Variants in SOS1 observed in about 807,000 individuals in gnomAD.
SOS1 encodes the protein SOS Ras/Rac guanine nucleotide exchange factor 1, also known as son of sevenless homolog 1.
In SOS1, 25 loss-of-function variants were observed where a neutral mutation model predicts 157.6. The observed-to-expected ratio is 0.16, with a 90% CI of 0.12 to 0.22. The LOEUF (loss-of-function observed/expected upper bound fraction) is 0.22, where lower values mean the gene tolerates loss of function less well. SOS1 is among the 10% of genes least tolerant of loss of function. The pLI is 1.00. For synonymous variants in SOS1, 528 were observed against 534.0 expected (o/e 0.99, Z 0.16); for missense variants, 1,237 against 1,599.1 (o/e 0.77, Z 3.86).
In SOS1 at chr2:39,042,033, T is replaced by C. The variant is rs1246108592; in HGVS notation, c.865-6533A>G. On this transcript the variant is annotated intron_variant, in intron 6 of 22. Coordinates refer to ENST00000402219, the MANE Select transcript of SOS1 (RefSeq NM_005633.4). The stretch of plus-strand genomic sequence containing the variant: ...TCACATTTCAGGAGAAGTATCTATG[T>C]ATATATTTTTTTCAGGGCTCTTTAT... Among the ~76,000 whole-genome samples, 4 of 152,322 alleles carry C rather than the reference T, an allele frequency of 2.6e-5. No individual in the cohort carries two copies. In the East Asian group the frequency reaches 7.7e-4, roughly 29 times the overall value.
chr2:38,988,708 TAAATAATTA>T (rs1260022103), intron 21 of SOS1, among the ~76,000 whole-genome samples: 1 of 152,142 alleles, frequency 6.6e-6, no homozygotes, highest in African/African-American at 2.4e-5. Context: ...AATATTAGCT[TAAATAATTA>T]AAATAATGGA....
intron 1 of SOS1, among the ~76,000 whole-genome samples, chr2:39,085,273 C>A (rs1025176430): frequency 1.3e-4 from 20 of 152,162 alleles, no homozygotes; most frequent in African/African-American, 4.3e-4. Flanking sequence ...GTCTCAAACT[C>A]CTGGGCTCAA....
intron 20 of SOS1, chr2:38,993,773 CA>C (rs1668806404): frequency 6.6e-6 from 1 of 152,118 alleles, no homozygotes; most frequent in Admixed American, 6.5e-5. Context: ...ATAATAATGT[CA>C]TGCTGCCTCT....
intron 1 of SOS1, among the ~76,000 whole-genome samples, chr2:39,074,214 G>A (rs1671885334): frequency 6.6e-6 from 1 of 152,144 alleles, no homozygotes; most frequent in South Asian, 2.1e-4. Context: ...GCCAGGTGCG[G>A]TGGTGCCCAC....
chr2:39,120,419 G>T lies in SOS1; in HGVS notation c.4C>A (p.Gln2Lys), dbSNP rs587781174. Reference protein sequence around the residue: MQAQQLPYEFFS... With the variant: MKAQQLPYEFFS... Reference sequence around the variant, plus strand: ...AACTCGTAGGGCAGCTGCTGCGCCTGCATGGTGCCCCCGGGGCGCCTCTGG... The same window carrying T: ...AACTCGTAGGGCAGCTGCTGCGCCTTCATGGTGCCCCCGGGGCGCCTCTGG... Residue 2 changes from glutamine (Q) to lysine (K), a missense_variant, in exon 1 of 23, where the codon CAG (glutamine) becomes AAG (lysine). This residue lies in a region of SOS1 where 99 missense variants were observed against 81.6 expected (regional missense o/e 1.21). Transcript: ENST00000402219. 6.3e-7 allele frequency: 1 copy of T among 1,587,484 alleles called. No individual in the cohort carries two copies. Among genetic ancestry groups the T allele is most frequent in the Admixed American group, 1.7e-5 (1 of 58,166 alleles).
intron 6 of SOS1, among the ~76,000 whole-genome samples, chr2:39,038,071 G>GT (rs1453482458): frequency 3.3e-5 from 5 of 152,254 alleles, no homozygotes; most frequent in Non-Finnish European, 5.9e-5. Context: ...TGACCTTCAA[G>GT]TTTTATTATT....
intron 1 of SOS1, among the ~76,000 whole-genome samples, chr2:39,097,470 A>C (rs1215351201): frequency 3.3e-5 from 5 of 152,232 alleles, no homozygotes; most frequent in East Asian, 1.9e-4. Context: ...GCAGGCTAGC[A>C]AAGAATGTTT....
chr2:39,101,970 G>A (rs1672982196), intron 1 of SOS1, among the ~76,000 whole-genome samples: 1 of 151,940 alleles, frequency 6.6e-6, no homozygotes, highest in South Asian at 2.1e-4. Context: ...CACTTTGGGA[G>A]GCTGAGGTGG....
At position 39,007,295 on chromosome 2, in the gene SOS1, G is replaced by A. The variant is rs940492604; in HGVS notation, c.2511-102C>T. The A allele has an allele frequency of 3.8e-6, 3 of 785,686 alleles. No individual in the cohort carries two copies. The South Asian group carries it at 4.4e-5, about 11-fold the overall frequency. The allele number at this position is 785,686 out of a possible 1,614,324, so 48.7% of individuals were successfully genotyped here. On this transcript the variant is annotated intron_variant, in intron 15 of 22. Transcript: ENST00000402219. The stretch of plus-strand genomic sequence containing the variant: ...AAAATAATGTAGAGAGTAGGGGGGT[G>A]GCGATAGTATAACTACTATAGAGAA...
At chr2:39,003,069 A>AC (rs1553352655) in intron 17 of SOS1, among the ~76,000 whole-genome samples, 1 of 79,110 alleles carries the variant, frequency 1.3e-5, no homozygotes, top group Non-Finnish European at 3.6e-5. Flanking sequence ...CTTGTATCAA[A>AC]AAAAAAAAAG....
At chr2:38,995,042 A>G in intron 20 of SOS1, 81 bp downstream of exon 20, 5 of 1,247,810 alleles carry the variant, frequency 4.0e-6, no homozygotes, top group Non-Finnish European at 5.9e-6. Context: ...CACATACAAA[A>G]AAATAACAGA....
chr2:39,011,745 T>C (rs1669480582), intron 14 of SOS1, among the ~76,000 whole-genome samples: 2 of 152,192 alleles, frequency 1.3e-5, no homozygotes, highest in Admixed American at 6.5e-5. Flanking sequence ...GTAATGTACA[T>C]ATATTGACTT....
At chr2:39,010,492 A>T in intron 15 of SOS1, 92 bp downstream of exon 15, 1 of 1,226,136 alleles carries the variant, frequency 8.2e-7, no homozygotes, top group Non-Finnish European at 1.2e-6. Flanking sequence ...ACAGAGCAAA[A>T]CTCCGTCTCA....
chr2:39,081,542 T>C (rs1672201219), intron 1 of SOS1, among the ~76,000 whole-genome samples: 1 of 151,460 alleles, frequency 6.6e-6, no homozygotes, highest in African/African-American at 2.4e-5. Context: ...TAAAGGAAAT[T>C]TGCCAAGCAC....
chr2:38,994,747 A>G (rs1297015089), intron 20 of SOS1, among the ~76,000 whole-genome samples: 3 of 152,222 alleles, frequency 2.0e-5, no homozygotes, highest in African/African-American at 7.2e-5. Context: ...TTCAGCCTGT[A>G]TAATAATTTT....
chr2:39,063,660 A>C (rs1166942259), intron 2 of SOS1, among the ~76,000 whole-genome samples: 2 of 152,216 alleles, frequency 1.3e-5, no homozygotes, highest in East Asian at 3.8e-4. Flanking sequence ...ACATGTATGC[A>C]ATCTATCTGT....
chr2:39,086,797 T>C (rs1472719117), intron 1 of SOS1, among the ~76,000 whole-genome samples: 5 of 152,102 alleles, frequency 3.3e-5, no homozygotes, highest in South Asian at 4.2e-4. Context: ...AAAAGGGAAA[T>C]AGTCACAGTT....
intron 8 of SOS1, chr2:39,034,896 A>C: frequency 4.2e-6 from 2 of 480,976 alleles, no homozygotes; most frequent in South Asian, 3.1e-5. Context: ...TCAAAGAATC[A>C]GCCATGTAAA....
At chr2:39,055,820 T>A (rs1377217154) in intron 4 of SOS1, among the ~76,000 whole-genome samples, 2 of 152,166 alleles carry the variant, frequency 1.3e-5, no homozygotes, top group African/African-American at 4.8e-5. Flanking sequence ...GGAGTTCAAG[T>A]CTAGGCTTTG....
Sources: gnomAD v4.1 joint callset for allele counts (sites outside exome capture counted in the v4.1 genomes callset) on GRCh38, gnomAD v4.1.1 for gene constraint, gnomAD v4.1.1 regional missense constraint, MANE v1.5 for transcripts, NCBI Gene and HGNC (gene_info 2026-07-23, HGNC 2026-07-21) for gene names.